HECTD4: variants seen among roughly 807,000 people sequenced by gnomAD.
HECTD4 encodes HECT domain E3 ubiquitin protein ligase 4.
HECTD4 carries 114 observed loss-of-function variants against 471.5 expected under a neutral mutation model. That is an observed-to-expected ratio of 0.24 (90% CI 0.21 to 0.28). The LOEUF (loss-of-function observed/expected upper bound fraction) is 0.28, where lower values mean the gene tolerates loss of function less well. HECTD4 is among the 10% of genes least tolerant of loss of function. The pLI is 1.00. For synonymous variants in HECTD4, 2,012 were observed against 2,256.0 expected, an observed-to-expected ratio of 0.89 and a Z score of 3.07; for missense variants, 3,866 against 5,651.5, an observed-to-expected ratio of 0.68 and a Z score of 10.13.
chr12:112,364,386 GAC>G (rs1467023816), intron 1 of HECTD4, among the ~76,000 whole-genome samples: 4 of 150,090 alleles, frequency 2.7e-5, no homozygotes, highest in African/African-American at 9.8e-5. Context: ...CAGCCTGGGT[GAC>G]AGAGCAAGAC....
rs2031807683 is a variant in HECTD4, at chr12:112,184,988, G to C, written c.9978C>G (p.Gly3326=). 1 of 1,612,310 alleles carries C rather than the reference G, an allele frequency of 6.2e-7. No homozygotes were observed. The highest frequency in any genetic ancestry group is 1.3e-5 in the African/African-American group (1 of 75,042). The change falls in exon 61 of 76, where the codon GGC becomes GGG. Residue 3326 remains glycine (G), a synonymous_variant. Coordinates refer to ENST00000682272, the MANE Select transcript of HECTD4 (RefSeq NM_001388303.1). This position sits in a 1 kb window ranked among gnomAD's most constrained non-coding sequence, Gnocchi z 9.1. ...CCACGGTGCGGGAAGACTGGCGCTT[G>C]CCCGACGAGGAGGCCTTTTCCCGCT... The part of the protein sequence containing the change: ...KMKREKASSS[G]KRQSSRTVDS...
intron 52 of HECTD4, among the ~76,000 whole-genome samples, chr12:112,206,471 G>C (rs552350395): frequency 6.6e-6 from 1 of 150,766 alleles, no homozygotes; most frequent in East Asian, 2.0e-4. Context: ...CTCCAGCCCA[G>C]TTAATATAGA....
At chr12:112,180,792 G>A (rs2031640520) in intron 62 of HECTD4, among the ~76,000 whole-genome samples, 1 of 152,144 alleles carries the variant, frequency 6.6e-6, no homozygotes, top group Admixed American at 6.5e-5. Context: ...GAGAGCTGAG[G>A]GGGCAAAACG....
At chr12:112,177,884 G>C (rs533231022) in intron 64 of HECTD4, among the ~76,000 whole-genome samples, 1 of 152,178 alleles carries the variant, frequency 6.6e-6, no homozygotes, top group Admixed American at 6.5e-5. Flanking sequence ...GCTCAGGGAG[G>C]GGAGCTTCAA....
intron 60 of HECTD4, among the ~76,000 whole-genome samples, chr12:112,186,148 T>G (rs2031853744): frequency 6.6e-6 from 1 of 151,776 alleles, no homozygotes; most frequent in African/African-American, 2.4e-5. Context: ...AATTTTTGTA[T>G]TATTATTTTT....
At chr12:112,298,360 G>A (rs1332346306) in intron 7 of HECTD4, among the ~76,000 whole-genome samples, 4 of 152,038 alleles carry the variant, frequency 2.6e-5, no homozygotes, top group African/African-American at 9.7e-5. Context: ...TTATTACACA[G>A]CAGGTAGTGA....
intron 3 of HECTD4, among the ~76,000 whole-genome samples, chr12:112,313,481 ATTTTT>A (rs34438364): frequency 1.7e-5 from 1 of 58,918 alleles, no homozygotes; most frequent in Non-Finnish European, 3.2e-5. Flanking sequence ...TGCCCGGCTA[ATTTTT>A]TTTTTTTTTT....
In HECTD4 at chr12:112,179,310, G is replaced by A. The variant is rs765884325; in HGVS notation, c.11075C>T (p.Pro3692Leu). Reference protein sequence around the residue: ...AHSEQTLSLTPAKPIRVSDIY... With the variant: ...AHSEQTLSLTLAKPIRVSDIY... ...GTCAGAGACTCTGATGGGCTTCGCTGGTGTCAGGCTCAGCGTCTGCTCTGA... is the reference window on the plus strand; with the variant it reads ...GTCAGAGACTCTGATGGGCTTCGCTAGTGTCAGGCTCAGCGTCTGCTCTGA... Residue 3692 changes from proline to leucine, a missense_variant, in exon 63 of 76, where the codon CCA (proline) becomes CTA (leucine). Physicochemically the swap from Pro to Leu is moderately conservative, Grantham distance 98. Around this residue, in one of 16 missense-constraint regions of HECTD4, gnomAD observed 715 missense variants for 1,087.6 expected, o/e 0.66. Coordinates refer to ENST00000682272, the MANE Select transcript of HECTD4 (RefSeq NM_001388303.1). This position sits in a 1 kb window ranked among gnomAD's most constrained non-coding sequence, Gnocchi z 4.3. 2 of 1,613,294 alleles carry A rather than the reference G, an allele frequency of 1.2e-6. No homozygotes were observed. Among genetic ancestry groups the A allele is most frequent in the African/African-American group, 2.7e-5 (2 of 74,932 alleles).
At chr12:112,309,501 G>A in intron 5 of HECTD4, 60 bp downstream of exon 5, 1 of 759,710 alleles carries the variant, frequency 1.3e-6, no homozygotes, top group Non-Finnish European at 2.2e-6. Flanking sequence ...CTTCTTCAGA[G>A]ATTTATGTAA....
At chr12:112,283,541 G>A (rs965049696) in intron 7 of HECTD4, among the ~76,000 whole-genome samples, 2 of 152,160 alleles carry the variant, frequency 1.3e-5, no homozygotes, top group Non-Finnish European at 2.9e-5. Context: ...ATGAAAAGTT[G>A]TTGATTAAAA....
At chr12:112,168,674 C>G (rs1344714792) in intron 70 of HECTD4, among the ~76,000 whole-genome samples, 3 of 152,186 alleles carry the variant, frequency 2.0e-5, no homozygotes, top group Non-Finnish European at 2.9e-5. Context: ...ACTGCTGACG[C>G]CTGGAAGGCC....
At chr12:112,236,055 G>A (rs1234365262) in intron 35 of HECTD4, among the ~76,000 whole-genome samples, 1 of 152,226 alleles carries the variant, frequency 6.6e-6, no homozygotes, top group Non-Finnish European at 1.5e-5. Flanking sequence ...ATGGAGCACT[G>A]AGACTTAGAA....
intron 1 of HECTD4, among the ~76,000 whole-genome samples, chr12:112,380,967 C>T (rs947710283): frequency 1.3e-5 from 2 of 152,158 alleles, no homozygotes; most frequent in Non-Finnish European, 2.9e-5. Flanking sequence ...CTCTCTGCGC[C>T]CTACCCCAGA....
At chr12:112,216,243 C>T (rs1404751452) in intron 48 of HECTD4, 49 bp downstream of exon 48, 5 of 1,294,436 alleles carry the variant, frequency 3.9e-6, no homozygotes, top group Non-Finnish European at 3.3e-6. Flanking sequence ...AGACCCAAAC[C>T]TGAGACCAAC....
intron 65 of HECTD4, 48 bp from the exon 66 acceptor site, chr12:112,175,907 T>C: frequency 6.2e-7 from 1 of 1,604,426 alleles, no homozygotes; most frequent in Non-Finnish European, 8.5e-7. Context: ...CCTGCGCACA[T>C]CGCGCGCCTC....
chr12:112,249,245 T>C (rs902690668), intron 25 of HECTD4, among the ~76,000 whole-genome samples: 1 of 151,358 alleles, frequency 6.6e-6, no homozygotes, highest in Non-Finnish European at 1.5e-5. Context: ...TCCCAGTTAC[T>C]AGGGAGGCTG....
At chr12:112,307,050 C>T (rs963031894) in intron 6 of HECTD4, among the ~76,000 whole-genome samples, 4 of 151,968 alleles carry the variant, frequency 2.6e-5, no homozygotes, top group African/African-American at 9.7e-5. Flanking sequence ...ACCACAAAAA[C>T]CTGCTGGCTA....
intron 55 of HECTD4, 51 bp from the exon 56 acceptor site, chr12:112,195,117 C>T: frequency 6.7e-7 from 1 of 1,498,588 alleles, no homozygotes; most frequent in Admixed American, 2.0e-5. Flanking sequence ...GCTCCGGCCC[C>T]CATACCGGGA....
At chr12:112,198,953 C>T (rs530112923) in intron 55 of HECTD4, among the ~76,000 whole-genome samples, 2 of 152,202 alleles carry the variant, frequency 1.3e-5, no homozygotes, top group Admixed American at 6.5e-5. Flanking sequence ...GCCACAGCTT[C>T]AAGGCTTCTG....
Sources: allele counts gnomAD v4.1 joint callset (sites outside exome capture counted in the v4.1 genomes callset), GRCh38; gene constraint gnomAD v4.1.1; regional missense constraint gnomAD v4.1.1; non-coding constraint Gnocchi (gnomAD v3.1); transcripts MANE v1.5; gene names NCBI Gene and HGNC (gene_info 2026-07-23, HGNC 2026-07-21).